The following HTR1E variants were observed in gnomAD, a reference collection of about 807,000 sequenced individuals.
The protein encoded by HTR1E is 5-hydroxytryptamine receptor 1E, also known as 5-HT-1E.
A neutral mutation model predicts 3.4 loss-of-function variants in HTR1E; 3 were observed. The observed-to-expected ratio is 0.89, with a 90% CI of 0.41 to 2.31. The LOEUF is 2.31. HTR1E is among the 30% of genes most tolerant of loss of function. The pLI is 0.05. For synonymous variants in HTR1E, 170 were observed against 182.8 expected, an observed-to-expected ratio of 0.93 and a Z score of 0.56; for missense variants, 392 against 467.0, an observed-to-expected ratio of 0.84 and a Z score of 1.48.
intron 1 of HTR1E, among the ~76,000 whole-genome samples, chr6:86,997,581 C>A (rs1209733325): frequency 1.3e-5 from 2 of 151,662 alleles, no homozygotes; most frequent in South Asian, 4.2e-4. Flanking sequence ...AAACACAATG[C>A]CATTTGCAAT....
At chr6:86,959,743 T>C (rs767492676) in intron 1 of HTR1E, among the ~76,000 whole-genome samples, 3 of 152,162 alleles carry the variant, frequency 2.0e-5, no homozygotes, top group Non-Finnish European at 2.9e-5. Context: ...TTGTGTAACA[T>C]CCTGACAAAT....
intron 1 of HTR1E, among the ~76,000 whole-genome samples, chr6:87,009,168 G>A (rs962694644): frequency 6.6e-6 from 1 of 150,476 alleles, no homozygotes; most frequent in Non-Finnish European, 1.5e-5. Context: ...ATAAACAAGT[G>A]AACAAAGGTC....
intron 1 of HTR1E, among the ~76,000 whole-genome samples, chr6:86,956,587 G>A (rs1259695133): frequency 6.6e-6 from 1 of 152,112 alleles, no homozygotes; most frequent in Admixed American, 6.6e-5. Flanking sequence ...ATTGATGTCT[G>A]CTTGTAACTT....
intron 1 of HTR1E, among the ~76,000 whole-genome samples, chr6:86,940,361 A>C (rs113284883): frequency 6.6e-6 from 1 of 152,102 alleles, no homozygotes; most frequent in African/African-American, 2.4e-5. Flanking sequence ...AATAATGAGA[A>C]CTCATCTCTA....
intron 1 of HTR1E, among the ~76,000 whole-genome samples, chr6:87,008,962 T>C (rs1768159352): frequency 6.6e-6 from 1 of 152,216 alleles, no homozygotes; most frequent in Non-Finnish European, 1.5e-5. Context: ...ATCACTCAAA[T>C]ATATACCCCT....
intron 1 of HTR1E, among the ~76,000 whole-genome samples, chr6:87,007,063 A>T (rs1357774806): frequency 3.3e-5 from 5 of 152,218 alleles, no homozygotes; most frequent in African/African-American, 1.2e-4. Flanking sequence ...CATCCTGCAC[A>T]TGTACCCTGG....
intron 1 of HTR1E, among the ~76,000 whole-genome samples, chr6:87,009,832 A>G (rs753379699): frequency 0.072 from 3,653 of 50,560 alleles, 215 homozygotes; most frequent in African/African-American, 0.11. Context: ...GGGCGGGGGG[A>G]CTGACCCCCC....
At chr6:86,986,851 C>T (rs1767795564) in intron 1 of HTR1E, among the ~76,000 whole-genome samples, 1 of 152,030 alleles carries the variant, frequency 6.6e-6, no homozygotes, top group South Asian at 2.1e-4. Context: ...TTAATGAGAG[C>T]TTAGCAACTA....
At chr6:86,960,493 A>G (rs1767389723) in intron 1 of HTR1E, among the ~76,000 whole-genome samples, 1 of 152,194 alleles carries the variant, frequency 6.6e-6, no homozygotes, top group Non-Finnish European at 1.5e-5. Context: ...TGGGGTTTAC[A>G]TTATTCCACC....
At position 86,961,985 on chromosome 6, in the gene HTR1E, T is replaced by C. The variant is rs79779742; in HGVS notation, c.-186+24162T>C. On this transcript the variant is annotated intron_variant, in intron 1 of 1. Coordinates refer to ENST00000305344, the MANE Select transcript of HTR1E (RefSeq NM_000865.3). ...AGTTACGTGCATGCCTCTGCTGTCA[T>C]AGCAAAGTCACAGGCTGACATCCAC... 2.3e-4 allele frequency among the ~76,000 whole-genome samples: 35 copies of C among 152,336 alleles called. No homozygotes were observed. The East Asian group carries it at 6.8e-3, about 29-fold the overall frequency.
At chr6:86,970,356 A>AC (rs1322803013) in intron 1 of HTR1E, 6 of 152,344 alleles carry the variant, frequency 3.9e-5, no homozygotes, top group Admixed American at 3.9e-4. Flanking sequence ...ATCTAGGCTG[A>AC]CCCGGGCCCA....
intron 1 of HTR1E, among the ~76,000 whole-genome samples, chr6:86,951,714 G>T (rs371229550): frequency 3.3e-5 from 5 of 152,022 alleles, no homozygotes; most frequent in African/African-American, 1.2e-4. Context: ...GGATATATTC[G>T]AAACTTAATT....
At chr6:86,980,355 C>G (rs1400432707) in intron 1 of HTR1E, among the ~76,000 whole-genome samples, 2 of 150,618 alleles carry the variant, frequency 1.3e-5, no homozygotes, top group South Asian at 2.1e-4. Context: ...CCACTGCACT[C>G]CAGCCTGGGC....
chr6:86,976,559 C>T (rs555725459), intron 1 of HTR1E, among the ~76,000 whole-genome samples: 8 of 152,326 alleles, frequency 5.3e-5, no homozygotes, highest in African/African-American at 1.9e-4. Context: ...GGACACCACA[C>T]ATCAACATCT....
chr6:86,988,762 C>T (rs1049815630), intron 1 of HTR1E, among the ~76,000 whole-genome samples: 5 of 152,000 alleles, frequency 3.3e-5, no homozygotes, highest in Non-Finnish European at 5.9e-5. Context: ...TGTGAGAAAC[C>T]ACACACCACT....
chr6:87,006,864 G>A (rs1306507993), intron 1 of HTR1E, among the ~76,000 whole-genome samples: 1 of 152,176 alleles, frequency 6.6e-6, no homozygotes, highest in Non-Finnish European at 1.5e-5. Flanking sequence ...ATAAGTGGTA[G>A]CTGAACAATA....
At chr6:87,006,240 A>C (rs1026798647) in intron 1 of HTR1E, among the ~76,000 whole-genome samples, 19 of 152,184 alleles carry the variant, frequency 1.2e-4, no homozygotes, top group African/African-American at 4.6e-4. Flanking sequence ...TATATACTCA[A>C]AGGAAAGAAA....
intron 1 of HTR1E, among the ~76,000 whole-genome samples, chr6:86,961,189 A>G (rs1767402492): frequency 6.6e-6 from 1 of 152,156 alleles, no homozygotes; most frequent in Non-Finnish European, 1.5e-5. Context: ...ACTGTTTCAG[A>G]AAATCTCTTG....
At chr6:86,978,669 A>G (rs1426772563) in intron 1 of HTR1E, among the ~76,000 whole-genome samples, 1 of 152,196 alleles carries the variant, frequency 6.6e-6, no homozygotes, top group Non-Finnish European at 1.5e-5. Context: ...GATCAAATCA[A>G]GTCCAACCTC....
Sources: gnomAD v4.1 joint callset for allele counts (sites outside exome capture counted in the v4.1 genomes callset) on GRCh38, gnomAD v4.1.1 for gene constraint, MANE v1.5 for transcripts, NCBI Gene and HGNC (gene_info 2026-07-23, HGNC 2026-07-21) for gene names.